OPRM1: variants seen among roughly 807,000 people sequenced by gnomAD.
OPRM1 encodes the protein opioid receptor mu 1.
Under a neutral mutation model 31.8 loss-of-function variants are expected in OPRM1, and 27 were observed. That is an observed-to-expected ratio of 0.85 (90% confidence interval 0.63 to 1.17). OPRM1 has a LOEUF of 1.17. OPRM1 is among the 50% of genes most tolerant of loss of function. The pLI is 0.00. For missense variants in OPRM1, 536 were observed against 511.1 expected (o/e 1.05, Z -0.47); for synonymous variants, 196 against 189.9 (o/e 1.03, Z -0.26).
chr6:154,152,397 A>AG (rs1200553327), intron 3 of OPRM1, among the ~76,000 whole-genome samples: 1 of 151,882 alleles, frequency 6.6e-6, no homozygotes, highest in Non-Finnish European at 1.5e-5. Context: ...AGAAAGAGAA[A>AG]TAGTGTTCAG....
chr6:154,232,623 G>T (rs1779809649), intron 3 of OPRM1, among the ~76,000 whole-genome samples: 1 of 152,104 alleles, frequency 6.6e-6, no homozygotes, highest in Non-Finnish European at 1.5e-5. Context: ...CTCAGGAACT[G>T]AAATGGGAGG....
intron 3 of OPRM1, chr6:154,110,206 A>C (rs1053721867): frequency 1.9e-6 from 1 of 529,442 alleles, no homozygotes; most frequent in Non-Finnish European, 3.4e-6. Context: ...TTGGGTTTTC[A>C]CTTTTGTTTT....
intron 3 of OPRM1, among the ~76,000 whole-genome samples, chr6:154,185,079 C>T (rs987995671): frequency 3.9e-5 from 6 of 152,102 alleles, no homozygotes; most frequent in Admixed American, 1.3e-4. Context: ...ACTAGCTAGT[C>T]CTTCAAGTTA....
intron 3 of OPRM1, among the ~76,000 whole-genome samples, chr6:154,243,400 G>C (rs1445475609): frequency 6.6e-6 from 1 of 152,154 alleles, no homozygotes; most frequent in Non-Finnish European, 1.5e-5. Context: ...ATGAGCCTCT[G>C]GACTTGACCT....
Position 154,142,874 on chromosome 6 carries a change from C to T in OPRM1, c.1164+51402C>T, listed in dbSNP as rs113215877. Among the ~76,000 whole-genome samples the T allele has an allele frequency of 4.1e-3, 628 of 152,226 alleles. 4 individuals are homozygous for T. The highest frequency in any genetic ancestry group is 0.014 in the African/African-American group (591 of 41,530). On this transcript the variant is annotated intron_variant, in intron 3 of 3. Coordinates refer to the OPRM1 transcript ENST00000337049. The stretch of plus-strand genomic sequence containing the variant: ...TTAGCCTTGCAGTCCATGGTTTCTG[C>T]CACTCTTCTCATTCTCTAATGCAGC...
chr6:154,148,585 G>T (rs906689701), intron 3 of OPRM1, among the ~76,000 whole-genome samples: 27 of 152,118 alleles, frequency 1.8e-4, no homozygotes, highest in Admixed American at 6.6e-4. Flanking sequence ...TGAAAGGGAC[G>T]CTCTCTGGTA....
chr6:154,229,627 A>C (rs1779567012), intron 3 of OPRM1, among the ~76,000 whole-genome samples: 1 of 151,938 alleles, frequency 6.6e-6, no homozygotes, highest in African/African-American at 2.4e-5. Context: ...ATGTGCTGGG[A>C]TTACAGGCGT....
rs985603532 is a variant in OPRM1, at chr6:154,049,086, C to T, written c.290+9252C>T. Reference sequence around the variant, plus strand: ...TTTTATGTGTGTTTCTGTTTAAAGACGCTTTATTTAATATATAGCTGATTC... The same window carrying T: ...TTTTATGTGTGTTTCTGTTTAAAGATGCTTTATTTAATATATAGCTGATTC... On this transcript the variant is annotated intron_variant, in intron 1 of 3. Coordinates refer to ENST00000330432, the MANE Select transcript of OPRM1 (RefSeq NM_000914.5). Among the ~76,000 whole-genome samples, 13 of 152,086 alleles carry T rather than the reference C, an allele frequency of 8.5e-5. No individual in the cohort carries two copies. In the South Asian group the frequency reaches 1.7e-3, roughly 19 times the overall value.
chr6:154,217,186 C>A, intron 3 of OPRM1: 1 of 164,412 alleles, frequency 6.1e-6, no homozygotes, highest in Non-Finnish European at 1.3e-5. Context: ...GGTGGCCCAA[C>A]AAGAATGCTG....
At chr6:154,173,037 G>C (rs747581559) in intron 3 of OPRM1, among the ~76,000 whole-genome samples, 2 of 152,238 alleles carry the variant, frequency 1.3e-5, no homozygotes, top group Non-Finnish European at 2.9e-5. Context: ...GGTCTGGAGT[G>C]CACCTGCAGC....
At chr6:154,236,738 G>C (rs1780165951) in intron 3 of OPRM1, among the ~76,000 whole-genome samples, 1 of 152,132 alleles carries the variant, frequency 6.6e-6, no homozygotes, top group South Asian at 2.1e-4. Flanking sequence ...CTGTTGAACA[G>C]ACATAGAGGC....
At chr6:154,232,414 G>A (rs1192615380) in intron 3 of OPRM1, among the ~76,000 whole-genome samples, 1 of 152,188 alleles carries the variant, frequency 6.6e-6, no homozygotes, top group Admixed American at 6.5e-5. Flanking sequence ...TGCCAGTGAG[G>A]TAGTACTATG....
intron 3 of OPRM1, chr6:154,159,774 A>G: frequency 7.2e-7 from 1 of 1,393,032 alleles, no homozygotes; most frequent in Non-Finnish European, 1.0e-6. Context: ...CTTTTGCAAC[A>G]TCTTGAAGAG....
chr6:154,100,158 C>CATATCATAATATTTATTATATTAT (rs753395267), intron 3 of OPRM1, among the ~76,000 whole-genome samples: 428 of 19,180 alleles, frequency 0.022, 49 homozygotes, highest in African/African-American at 0.067. Context: ...CATATTATGA[C>CATATCATAATATTTATTATATTAT]GTATCATAAT....
intron 3 of OPRM1, among the ~76,000 whole-genome samples, chr6:154,211,036 G>A (rs1344856136): frequency 6.6e-6 from 1 of 152,168 alleles, no homozygotes; most frequent in Admixed American, 6.5e-5. Flanking sequence ...TGGCAGAAAA[G>A]GTCTGGTAAG....
chr6:154,243,939 G>T (rs1780807949), intron 3 of OPRM1, among the ~76,000 whole-genome samples: 1 of 152,096 alleles, frequency 6.6e-6, no homozygotes, highest in Non-Finnish European at 1.5e-5. Flanking sequence ...ACCTACCTTG[G>T]CCTAGAGTAG....
Position 154,118,872 on chromosome 6 carries a change from C to G in OPRM1, c.*151C>G. The G allele has an allele frequency of 6.8e-7, 1 of 1,481,186 alleles. No individual in the cohort carries two copies. The allele number at this position is 1,481,186 out of a possible 1,614,324, so 91.8% of individuals were successfully genotyped here. A position where few individuals can be genotyped will look rare whatever the true frequency, so the allele number is the denominator to read the frequency against. On this transcript the variant is annotated 3_prime_UTR_variant, in exon 4 of 4. Coordinates refer to ENST00000330432, the MANE Select transcript of OPRM1 (RefSeq NM_000914.5). ...ACCTCTTTCCTCTCTGGCCACTCTG[C>G]TCTGCACATTAGAGGGACAGCCAAA...
At chr6:154,158,916 GT>G (rs962637106) in intron 3 of OPRM1, 1 of 151,362 alleles carries the variant, frequency 6.6e-6, no homozygotes, top group Non-Finnish European at 1.5e-5. Context: ...TTGTTTTTTT[GT>G]TTTTTTGAGT....
intron 3 of OPRM1, chr6:154,108,004 C>A: frequency 1.6e-6 from 1 of 629,796 alleles, no homozygotes; most frequent in Non-Finnish European, 2.9e-6. Context: ...ATTCATTCAA[C>A]CGTTTGCACA....
Sources: allele counts gnomAD v4.1 joint callset (sites outside exome capture counted in the v4.1 genomes callset), GRCh38; gene constraint gnomAD v4.1.1; transcripts MANE v1.5; gene names NCBI Gene and HGNC (gene_info 2026-07-23, HGNC 2026-07-21).